Variants in TJP1 observed in about 807,000 individuals in gnomAD.
TJP1 encodes the protein tight junction protein 1.
Under a neutral mutation model 194.2 loss-of-function variants are expected in TJP1, and 43 were observed. That is an observed-to-expected ratio of 0.22 (90% CI 0.17 to 0.29). TJP1 has a LOEUF of 0.29. Ranked by LOEUF, TJP1 falls within the 10% of genes least tolerant of loss-of-function variation. The pLI is 1.00. For missense variants in TJP1, 1,971 were observed against 2,185.7 expected (o/e 0.90, Z 1.96); for synonymous variants, 801 against 779.0 (o/e 1.03, Z -0.47).
intron 2 of TJP1, among the ~76,000 whole-genome samples, chr15:29,926,503 T>C (rs2054529868): frequency 6.6e-6 from 1 of 151,792 alleles, no homozygotes; most frequent in Non-Finnish European, 1.5e-5. Flanking sequence ...TCTCAGCTAC[T>C]CGGGAGGCTG....
At chr15:29,746,356 C>T (rs981273083) in intron 8 of TJP1, among the ~76,000 whole-genome samples, 3 of 149,944 alleles carry the variant, frequency 2.0e-5, no homozygotes, top group South Asian at 2.1e-4. Flanking sequence ...CCAGCCTGGA[C>T]GACAGAGTGA....
At chr15:29,947,887 T>A (rs1443504856) in intron 2 of TJP1, among the ~76,000 whole-genome samples, 1 of 152,072 alleles carries the variant, frequency 6.6e-6, no homozygotes, top group African/African-American at 2.4e-5. Context: ...TCTGGGAACA[T>A]CACAGCACAG....
Position 29,720,713 on chromosome 15 carries a change from G to A in TJP1, c.2413-5C>T. The A allele has an allele frequency of 6.4e-7, 1 of 1,570,364 alleles. No homozygotes were observed. The highest frequency in any genetic ancestry group is 1.9e-5 in the Admixed American group (1 of 53,324). Reference sequence around the variant, plus strand: ...ATCACTTGTAGCACCATCCGCCTGGGTCAAATAAAAGTAAATTACAAATTT... The same window carrying A: ...ATCACTTGTAGCACCATCCGCCTGGATCAAATAAAAGTAAATTACAAATTT... On this transcript the variant is annotated splice_polypyrimidine_tract_variant and splice_region_variant and intron_variant, in intron 18 of 27. Transcript: ENST00000614355.
At chr15:29,738,015 T>G (rs1042084081) in intron 10 of TJP1, among the ~76,000 whole-genome samples, 1 of 152,146 alleles carries the variant, frequency 6.6e-6, no homozygotes, top group Non-Finnish European at 1.5e-5. Context: ...CATTCAGCCT[T>G]TCTACATTAG....
chr15:29,753,826 A>C (rs1022026344), intron 8 of TJP1, among the ~76,000 whole-genome samples: 1 of 152,028 alleles, frequency 6.6e-6, no homozygotes, highest in African/African-American at 2.4e-5. Flanking sequence ...GAAACAGAAA[A>C]AAAAAAAAAA....
At chr15:29,955,753 TAAAAAAAAAAAAAAAAA>T (rs563535771) in intron 2 of TJP1, among the ~76,000 whole-genome samples, 3 of 35,798 alleles carry the variant, frequency 8.4e-5, no homozygotes, top group South Asian at 1.7e-3. Context: ...CCTGGCTCTT[TAAAAAAAAAAAAAAAAA>T]AAAAAAAAAA....
At chr15:29,766,968 T>C (rs1002494204) in intron 4 of TJP1, among the ~76,000 whole-genome samples, 3 of 152,182 alleles carry the variant, frequency 2.0e-5, no homozygotes, top group Non-Finnish European at 4.4e-5. Flanking sequence ...AATTTTAGAA[T>C]GCATCAATAT....
At chr15:29,907,094 C>CT (rs1328741099) in intron 2 of TJP1, among the ~76,000 whole-genome samples, 1 of 151,974 alleles carries the variant, frequency 6.6e-6, no homozygotes, top group Non-Finnish European at 1.5e-5. Flanking sequence ...AGGTTTGAAA[C>CT]TTTTTCAAAA....
intron 2 of TJP1, among the ~76,000 whole-genome samples, chr15:29,847,590 C>T (rs1261979984): frequency 6.6e-6 from 1 of 152,040 alleles, no homozygotes; most frequent in Admixed American, 6.6e-5. Context: ...TTGAAACCAT[C>T]CTAGCTAACA....
chr15:29,963,327 AT>A (rs2056225197), intron 1 of TJP1, among the ~76,000 whole-genome samples: 1 of 150,900 alleles, frequency 6.6e-6, no homozygotes, highest in South Asian at 2.1e-4. Context: ...CATCTCACTG[AT>A]CAATTGTCTT....
In TJP1 at chr15:29,949,541, A is replaced by T. The variant is rs866608074; in HGVS notation, c.306+6691T>A. ...CTCCACCACCACCACCTCCACCACCACCACCTCCACAACCACCACCTCCAC... is the reference window on the plus strand; with the variant it reads ...CTCCACCACCACCACCTCCACCACCTCCACCTCCACAACCACCACCTCCAC... On this transcript the variant is annotated intron_variant, in intron 2 of 28. Coordinates refer to the TJP1 transcript ENST00000356107. Among the ~76,000 whole-genome samples the T allele has an allele frequency of 3.8e-3, 358 of 94,822 alleles. 4 individuals are homozygous for T. The highest frequency in any genetic ancestry group is 5.5e-3 in the Non-Finnish European group (234 of 42,672). The allele number at this position is 94,822 out of a possible 152,430, so 62.2% of individuals were successfully genotyped here.
chr15:29,921,217 C>T (rs79051007), intron 2 of TJP1, among the ~76,000 whole-genome samples: 1,924 of 152,252 alleles, frequency 0.013, 37 homozygotes, highest in African/African-American at 0.043. Context: ...CTCTGAATGC[C>T]GGCACTCTCC....
At position 29,714,745 on chromosome 15, in the gene TJP1, G is replaced by A. The variant is rs539419860; in HGVS notation, c.4202+1866C>T. 6.3e-3 allele frequency among the ~76,000 whole-genome samples: 843 copies of A among 133,994 alleles called. 2 individuals carry two copies. The highest frequency in any genetic ancestry group is 0.018 in the Middle Eastern group (3 of 164). 87.9% of individuals were successfully genotyped at this position (133,994 alleles called of 152,430 possible). The stretch of plus-strand genomic sequence containing the variant: ...TTTAGTAGAGATGGGGTTTCATCGT[G>A]TTAGCCAGGATGGTCTCGATCTCCT... On this transcript the variant is annotated intron_variant, in intron 23 of 27. Coordinates refer to ENST00000614355, the MANE Select transcript of TJP1 (RefSeq NM_001330239.4).
At chr15:29,773,608 T>C (rs1355553872) in intron 2 of TJP1, among the ~76,000 whole-genome samples, 1 of 152,134 alleles carries the variant, frequency 6.6e-6, no homozygotes, top group African/African-American at 2.4e-5. Flanking sequence ...CAAAAGACAA[T>C]TAAAAATTAT....
chr15:29,935,181 T>C (rs975900170), intron 2 of TJP1, among the ~76,000 whole-genome samples: 2 of 152,238 alleles, frequency 1.3e-5, no homozygotes, highest in African/African-American at 2.4e-5. Flanking sequence ...CATTTGAACA[T>C]TTAGCATTCA....
At chr15:29,717,823 G>A (rs1595602274) in intron 22 of TJP1, among the ~76,000 whole-genome samples, 198 bp downstream of exon 22, 1 of 152,246 alleles carries the variant, frequency 6.6e-6, no homozygotes, top group East Asian at 1.9e-4. Flanking sequence ...ATAAAGATTT[G>A]TCAGATTTGT....
At chr15:29,791,976 G>A (rs2048126374) in intron 2 of TJP1, among the ~76,000 whole-genome samples, 1 of 151,188 alleles carries the variant, frequency 6.6e-6, no homozygotes, top group Non-Finnish European at 1.5e-5. Flanking sequence ...TTTTAAATTG[G>A]ATTTCTTTTT....
chr15:29,780,912 A>C (rs1225814709), intron 2 of TJP1, among the ~76,000 whole-genome samples: 1 of 152,184 alleles, frequency 6.6e-6, no homozygotes, highest in Non-Finnish European at 1.5e-5. Context: ...ATACATTAAC[A>C]ACCTAACATC....
intron 2 of TJP1, among the ~76,000 whole-genome samples, chr15:29,883,357 G>A (rs1370445511): frequency 6.6e-6 from 1 of 152,214 alleles, no homozygotes; most frequent in African/African-American, 2.4e-5. Flanking sequence ...GGAATGCAGG[G>A]AATGTGGCAT....
Sources: allele counts gnomAD v4.1 joint callset (sites outside exome capture counted in the v4.1 genomes callset), GRCh38; gene constraint gnomAD v4.1.1; transcripts MANE v1.5; gene names NCBI Gene and HGNC (gene_info 2026-07-23, HGNC 2026-07-21).